The following CCSER1 variants were observed in gnomAD, a reference collection of about 807,000 sequenced individuals.
CCSER1 encodes the protein serine-rich coiled-coil domain-containing protein 1.
In CCSER1, 41 loss-of-function variants were observed where a neutral mutation model predicts 82.0. The ratio of observed to expected loss-of-function variants is 0.50; its 90% CI spans 0.39 to 0.65. CCSER1 has a LOEUF of 0.65. CCSER1 is among the 30% of genes least tolerant of loss of function. The pLI, the probability that CCSER1 is intolerant of heterozygous loss-of-function variation, is 0.00. For missense variants in CCSER1, 1,119 were observed against 1,064.2 expected (o/e 1.05, Z -0.72); for synonymous variants, 414 against 383.9 (o/e 1.08, Z -0.92).
chr4:90,218,622 G>A (rs531265994), intron 1 of CCSER1, among the ~76,000 whole-genome samples: 2 of 152,262 alleles, frequency 1.3e-5, no homozygotes, highest in African/African-American at 4.8e-5. Context: ...ACTTTTCAGG[G>A]TCTTAATTTC....
At chr4:91,111,230 G>A (rs1191626223) in intron 10 of CCSER1, among the ~76,000 whole-genome samples, 1 of 151,920 alleles carries the variant, frequency 6.6e-6, no homozygotes, top group Non-Finnish European at 1.5e-5. Flanking sequence ...ATTATACAAG[G>A]TCTGCAGACA....
chr4:90,480,288 C>T (rs150252978), intron 5 of CCSER1, among the ~76,000 whole-genome samples: 1 of 152,006 alleles, frequency 6.6e-6, no homozygotes, highest in Non-Finnish European at 1.5e-5. Context: ...CCCTTTGTCA[C>T]ATAAATAGGT....
At chr4:90,215,079 TTTACA>T (rs1740779530) in intron 1 of CCSER1, among the ~76,000 whole-genome samples, 1 of 152,192 alleles carries the variant, frequency 6.6e-6, no homozygotes, top group Non-Finnish European at 1.5e-5. Flanking sequence ...TATTTTTCTC[TTTACA>T]TTATGTTTTT....
At chr4:90,575,852 T>G (rs1158613064) in intron 5 of CCSER1, among the ~76,000 whole-genome samples, 1 of 152,212 alleles carries the variant, frequency 6.6e-6, no homozygotes, top group African/African-American at 2.4e-5. Context: ...GATAACATTC[T>G]GATTCCCTTT....
chr4:90,726,826 T>G (rs929229060), intron 7 of CCSER1, among the ~76,000 whole-genome samples: 1 of 151,742 alleles, frequency 6.6e-6, no homozygotes, highest in South Asian at 2.1e-4. Flanking sequence ...ATCTGGAAAC[T>G]TTGTGGATCT....
intron 10 of CCSER1, among the ~76,000 whole-genome samples, chr4:91,297,042 G>C (rs886768387): frequency 2.4e-4 from 36 of 151,838 alleles, no homozygotes; most frequent in African/African-American, 8.4e-4. Flanking sequence ...CTATAGAGAT[G>C]AGTGTATCCC....
chr4:91,228,552 A>G (rs1738386909), intron 10 of CCSER1, among the ~76,000 whole-genome samples: 2 of 152,172 alleles, frequency 1.3e-5, no homozygotes, highest in South Asian at 2.1e-4. Context: ...TATTTCCAGC[A>G]TAAAACACAT....
At chr4:91,125,750 C>T (rs987108923) in intron 10 of CCSER1, among the ~76,000 whole-genome samples, 12 of 150,932 alleles carry the variant, frequency 8.0e-5, no homozygotes, top group African/African-American at 2.7e-4. Context: ...ACTTTAACAC[C>T]GAAAAAAATG....
At chr4:90,454,969 G>C (rs1446914106) in intron 4 of CCSER1, among the ~76,000 whole-genome samples, 1 of 152,174 alleles carries the variant, frequency 6.6e-6, no homozygotes, top group African/African-American at 2.4e-5. Context: ...CAAACTTAGA[G>C]AGAACCTGGA....
intron 9 of CCSER1, among the ~76,000 whole-genome samples, chr4:91,019,288 C>G (rs1487488164): frequency 6.6e-6 from 1 of 151,482 alleles, no homozygotes; most frequent in Non-Finnish European, 1.5e-5. Flanking sequence ...TAAAATATTC[C>G]ACACTGGGCT....
intron 1 of CCSER1, among the ~76,000 whole-genome samples, chr4:90,181,058 C>T: frequency 6.6e-6 from 1 of 152,012 alleles, no homozygotes; most frequent in East Asian, 1.9e-4. Flanking sequence ...CTGATACATT[C>T]AAAACATTTA....
intron 1 of CCSER1, among the ~76,000 whole-genome samples, chr4:90,219,760 T>C (rs960894852): frequency 6.6e-6 from 1 of 152,198 alleles, no homozygotes; most frequent in Non-Finnish European, 1.5e-5. Context: ...GGTTTTGATA[T>C]CACTCTTGTA....
chr4:91,125,937 C>A (rs1032605336), intron 10 of CCSER1, among the ~76,000 whole-genome samples: 3 of 151,536 alleles, frequency 2.0e-5, no homozygotes, highest in Admixed American at 2.0e-4. Context: ...ATTAAATATA[C>A]ATCTCCATTT....
At chr4:90,667,073 A>T (rs973969233) in intron 6 of CCSER1, among the ~76,000 whole-genome samples, 5 of 152,204 alleles carry the variant, frequency 3.3e-5, no homozygotes, top group African/African-American at 1.2e-4. Context: ...GTTAACACCG[A>T]ATCGACTTCA....
At chr4:90,229,584 A>G (rs1416656449) in intron 1 of CCSER1, among the ~76,000 whole-genome samples, 5 of 152,064 alleles carry the variant, frequency 3.3e-5, no homozygotes, top group Non-Finnish European at 1.5e-5. Flanking sequence ...ATAACCAGCT[A>G]ACATCATAAT....
At chr4:90,355,506 T>A (rs890103543) in intron 3 of CCSER1, among the ~76,000 whole-genome samples, 1 of 152,012 alleles carries the variant, frequency 6.6e-6, no homozygotes, top group Non-Finnish European at 1.5e-5. Flanking sequence ...TAAAATAAAA[T>A]GAGTTACCAT....
intron 1 of CCSER1, among the ~76,000 whole-genome samples, chr4:90,302,641 AT>A (rs1262804613): frequency 1.3e-5 from 2 of 151,806 alleles, no homozygotes; most frequent in Non-Finnish European, 2.9e-5. Flanking sequence ...TCTCTATGAA[AT>A]TTTTTTTAAA....
At position 90,933,014 on chromosome 4, in the gene CCSER1, A is replaced by AAG. The variant is rs1395614152; in HGVS notation, c.2172+9569_2172+9570dup. Among the ~76,000 whole-genome samples, 90 of 86,844 alleles carry AAG rather than the reference A, an allele frequency of 1.0e-3. 19 individuals are homozygous for AAG. Among genetic ancestry groups the AAG allele is most frequent in the African/African-American group, 6.5e-3 (80 of 12,324 alleles). The allele number at this position is 86,844 out of a possible 152,430, so 57.0% of individuals were successfully genotyped here. A position where few individuals can be genotyped will look rare whatever the true frequency, so the allele number is the denominator to read the frequency against. On this transcript the variant is annotated intron_variant, in intron 9 of 10. Transcript: ENST00000509176. Reference sequence around the variant, plus strand: ...AAAGAAAGAAAGAAAGAAAGAAAGAAAGAAAGAAAGAAAGAAAGAAAGAAA... The same window carrying AAG: ...AAAGAAAGAAAGAAAGAAAGAAAGAAAGAGAAAGAAAGAAAGAAAGAAAGAAA...
At chr4:90,329,222 G>A (rs7666333) in intron 3 of CCSER1, among the ~76,000 whole-genome samples, 93,478 of 152,040 alleles carry the variant, frequency 0.61, 29,874 homozygotes, top group East Asian at 0.82. Context: ...TACATGGTAT[G>A]ATGAAAAGAA....
Sources: gnomAD v4.1 joint callset for allele counts (sites outside exome capture counted in the v4.1 genomes callset) on GRCh38, gnomAD v4.1.1 for gene constraint, MANE v1.5 for transcripts, NCBI Gene and HGNC (gene_info 2026-07-23, HGNC 2026-07-21) for gene names.